PEAK1: variants seen among roughly 807,000 people sequenced by gnomAD.
PEAK1 encodes the protein inactive tyrosine-protein kinase PEAK1.
A neutral mutation model predicts 124.7 loss-of-function variants in PEAK1; 54 were observed. The ratio of observed to expected loss-of-function variants is 0.43; its 90% CI spans 0.35 to 0.54. The LOEUF is 0.54. Among genes scored for constraint, PEAK1 ranks in the 20% least tolerant of loss-of-function variants. The pLI, the probability that PEAK1 is intolerant of heterozygous loss-of-function variation, is 0.01. For missense variants in PEAK1, 2,046 were observed against 2,134.5 expected, an observed-to-expected ratio of 0.96 and a Z score of 0.82; for synonymous variants, 719 against 760.0, an observed-to-expected ratio of 0.95 and a Z score of 0.89.
chr15:77,390,309 A>G (rs183027792), intron 1 of PEAK1, among the ~76,000 whole-genome samples: 1 of 152,366 alleles, frequency 6.6e-6, no homozygotes, highest in East Asian at 1.9e-4. Context: ...TTACATCCAG[A>G]GCAGCAATTC....
At chr15:77,232,899 C>T (rs532756628) in intron 6 of PEAK1, among the ~76,000 whole-genome samples, 49 of 152,252 alleles carry the variant, frequency 3.2e-4, no homozygotes, top group African/African-American at 1.2e-3. Context: ...GCACCTGCCA[C>T]CACACCCGGC....
chr15:77,260,091 C>G (rs555592506), intron 5 of PEAK1, among the ~76,000 whole-genome samples: 37 of 152,126 alleles, frequency 2.4e-4, no homozygotes, highest in African/African-American at 8.4e-4. Flanking sequence ...GACATAGGAC[C>G]AAGAATTCAA....
intron 2 of PEAK1, among the ~76,000 whole-genome samples, chr15:77,327,389 T>C (rs1019809527): frequency 2.0e-5 from 3 of 152,234 alleles, no homozygotes; most frequent in South Asian, 2.1e-4. Flanking sequence ...CAATGAATCA[T>C]TGTAAATTCC....
chr15:77,194,460 C>G (rs570953079), intron 6 of PEAK1, among the ~76,000 whole-genome samples: 123 of 152,226 alleles, frequency 8.1e-4, no homozygotes, highest in Middle Eastern at 6.8e-3. Context: ...GCCATTATCT[C>G]CTCCATGTCC....
intron 6 of PEAK1, among the ~76,000 whole-genome samples, chr15:77,225,475 C>T (rs531458140): frequency 1.3e-5 from 2 of 151,470 alleles, no homozygotes; most frequent in East Asian, 1.9e-4. Flanking sequence ...AGTCAAAGAT[C>T]GATAAAGATA....
intron 6 of PEAK1, among the ~76,000 whole-genome samples, chr15:77,235,368 G>C (rs1425533184): frequency 6.6e-6 from 1 of 152,100 alleles, no homozygotes; most frequent in East Asian, 1.9e-4. Context: ...CCAAAATGCT[G>C]ATAGTGATAT....
intron 1 of PEAK1, among the ~76,000 whole-genome samples, chr15:77,366,859 C>T (rs2068279276): frequency 1.3e-5 from 2 of 152,052 alleles, no homozygotes; most frequent in South Asian, 4.2e-4. Flanking sequence ...ATACGCCCAG[C>T]AATTGGTAAA....
chr15:77,206,492 T>C (rs1369609542), intron 6 of PEAK1, among the ~76,000 whole-genome samples: 10 of 149,702 alleles, frequency 6.7e-5, no homozygotes, highest in African/African-American at 2.2e-4. Flanking sequence ...GCACCTGTTG[T>C]TTCCTGACTT....
At position 77,195,140 on chromosome 15, in the gene PEAK1, A is replaced by C. The variant is rs185469433; in HGVS notation, c.-114-13100T>G. Among the ~76,000 whole-genome samples the C allele has an allele frequency of 1.5e-3, 222 of 152,204 alleles. 1 individual carries two copies. The highest frequency in any genetic ancestry group is 4.1e-3 in the Admixed American group (62 of 15,288). ...TAAAGACAGAGAAAAAAAGCACCCT[A>C]AATCTTAGTATGCATTTTAAAAACA... is the stretch of plus-strand genomic sequence containing the variant. On this transcript the variant is annotated intron_variant, in intron 6 of 9. Coordinates refer to ENST00000682557, the MANE Select transcript of PEAK1 (RefSeq NM_001385026.1).
intron 6 of PEAK1, among the ~76,000 whole-genome samples, chr15:77,205,420 T>A (rs955431652): frequency 6.6e-6 from 1 of 152,196 alleles, no homozygotes; most frequent in African/African-American, 2.4e-5. Context: ...AGGATATAGT[T>A]ATATCCTATA....
At chr15:77,323,702 T>A (rs1194416862) in intron 2 of PEAK1, among the ~76,000 whole-genome samples, 4 of 152,106 alleles carry the variant, frequency 2.6e-5, no homozygotes, top group African/African-American at 9.7e-5. Flanking sequence ...AAAATGGCCA[T>A]ACTGCCCAAG....
At chr15:77,164,472 T>C (rs901091989) in intron 7 of PEAK1, among the ~76,000 whole-genome samples, 10 of 152,218 alleles carry the variant, frequency 6.6e-5, no homozygotes, top group African/African-American at 2.2e-4. Context: ...TCTGAAATTG[T>C]ACAGATCCAC....
chr15:77,179,371 G>A lies in PEAK1; in HGVS notation c.2556C>T (p.Thr852=). ...TAGTCACTAATTTGGAGGGAGAGGG[G>A]GTGACTGGCTTTATGGATGGGTCTT... ...VQKDPSIKPV[T]PSPSKLVTSP... is the part of the protein sequence containing the mutation. The change falls in exon 7 of 10, where the codon ACC becomes ACT. Residue 852 remains threonine (T), a synonymous_variant. Coordinates refer to ENST00000682557, the MANE Select transcript of PEAK1 (RefSeq NM_001385026.1). The A allele has an allele frequency of 1.8e-5, 29 of 1,614,016 alleles. No individual in the cohort carries two copies. The highest frequency in any genetic ancestry group is 2.5e-5 in the Non-Finnish European group (29 of 1,180,004).
At chr15:77,104,844 C>A (rs2050730734), downstream of PEAK1, 4 of 152,154 alleles carry the variant, frequency 2.6e-5, no homozygotes, top group African/African-American at 7.2e-5. Flanking sequence ...TTCTAGAAAC[C>A]ACCTCACCAG....
chr15:77,279,557 C>A (rs527957300), intron 5 of PEAK1, among the ~76,000 whole-genome samples: 41 of 152,264 alleles, frequency 2.7e-4, no homozygotes, highest in African/African-American at 9.6e-4. Flanking sequence ...CAGATAAATT[C>A]TGTCATTTTC....
At chr15:77,370,624 A>T (rs763069587) in intron 1 of PEAK1, 43 of 902,484 alleles carry the variant, frequency 4.8e-5, no homozygotes, top group Middle Eastern at 5.7e-4. Flanking sequence ...GCCTACCCAT[A>T]ATTTTGAATG....
chr15:77,361,750 T>C (rs2067901046), intron 2 of PEAK1, among the ~76,000 whole-genome samples: 1 of 152,162 alleles, frequency 6.6e-6, no homozygotes, highest in Non-Finnish European at 1.5e-5. Flanking sequence ...AAGACTATCA[T>C]TATATCAAAG....
intron 1 of PEAK1, among the ~76,000 whole-genome samples, chr15:77,368,496 C>T (rs536324519): frequency 4.1e-4 from 62 of 149,624 alleles, no homozygotes; most frequent in Non-Finnish European, 7.4e-4. Context: ...CCAGCCTGGG[C>T]GACAGAGCAA....
At chr15:77,289,253 T>C (rs546713865) in intron 2 of PEAK1, among the ~76,000 whole-genome samples, 61 of 152,350 alleles carry the variant, frequency 4.0e-4, no homozygotes, top group Admixed American at 7.8e-4. Flanking sequence ...GTATCCCCAC[T>C]GAATTAGCAC....
Sources: gnomAD v4.1 joint callset for allele counts (sites outside exome capture counted in the v4.1 genomes callset) on GRCh38, gnomAD v4.1.1 for gene constraint, MANE v1.5 for transcripts, NCBI Gene and HGNC (gene_info 2026-07-23, HGNC 2026-07-21) for gene names.